Variants in AKR1C2 observed in about 807,000 individuals in gnomAD.
The protein encoded by AKR1C2 is aldo-keto reductase family 1 member C2.
A neutral mutation model predicts 39.8 loss-of-function variants in AKR1C2; 27 were observed. The observed-to-expected ratio is 0.68, with a 90% CI of 0.50 to 0.93. The LOEUF is 0.93. Ranked by LOEUF, AKR1C2 falls within the 40% of genes least tolerant of loss-of-function variation. The probability of loss-of-function intolerance (pLI) is 0.00; values close to 1 mark genes in which losing one functional copy is unlikely to be tolerated. For synonymous variants in AKR1C2, 114 were observed against 137.9 expected (o/e 0.83, Z 1.22); for missense variants, 263 against 365.1 (o/e 0.72, Z 2.28).
At chr10:5,004,523 T>C (rs1411417651), upstream of AKR1C2, among the ~76,000 whole-genome samples, 2 of 152,214 alleles carry the variant, frequency 1.3e-5, no homozygotes, top group Non-Finnish European at 2.9e-5. Context: ...TTAACAGCTT[T>C]TGGTCTTTGG....
intron 1 of AKR1C2, among the ~76,000 whole-genome samples, chr10:5,016,081 C>G (rs1837633429): frequency 6.6e-6 from 1 of 152,170 alleles, no homozygotes; most frequent in Non-Finnish European, 1.5e-5. Context: ...CCTTCCCCAA[C>G]AGTGGGAACT....
chr10:5,000,969 T>A (rs1178846286), intron 2 of AKR1C2, among the ~76,000 whole-genome samples: 2 of 152,234 alleles, frequency 1.3e-5, no homozygotes, highest in East Asian at 3.8e-4. Flanking sequence ...ACAACTCATA[T>A]TAGTGGTGTA....
In AKR1C2 at chr10:5,001,635, G is replaced by C; in HGVS notation, c.131C>G (p.Ala44Gly). ...TGCAGAATCAATATGGTGGAACCCGGCTTCTATTGCCAATTTGACGGCCTC... is the reference window on the plus strand; with the variant it reads ...TGCAGAATCAATATGGTGGAACCCGCCTTCTATTGCCAATTTGACGGCCTC... ...ALEAVKLAIE[A>G]GFHHIDSAHV... Residue 44 changes from alanine to glycine, a missense_variant, in exon 2 of 9, where the codon GCC (alanine) becomes GGC (glycine). Coordinates refer to ENST00000380753, the MANE Select transcript of AKR1C2 (RefSeq NM_001393392.1). 2 of 1,613,958 alleles carry C rather than the reference G, an allele frequency of 1.2e-6. No individual in the cohort carries two copies. Among genetic ancestry groups the C allele is most frequent in the Non-Finnish European group, 1.7e-6 (2 of 1,179,854 alleles).
intron 1 of AKR1C2, chr10:5,014,920 G>A (rs1837607322): frequency 6.6e-6 from 1 of 152,234 alleles, no homozygotes; most frequent in African/African-American, 2.4e-5. Flanking sequence ...CAGATGCAAG[G>A]CTCTCATAAG....
intron 1 of AKR1C2, among the ~76,000 whole-genome samples, chr10:5,017,707 T>C (rs189922198): frequency 3.3e-5 from 5 of 152,316 alleles, no homozygotes; most frequent in Middle Eastern, 3.4e-3. Flanking sequence ...AGTTCCAAAT[T>C]TGCTTTGACA....
intron 8 of AKR1C2, among the ~76,000 whole-genome samples, chr10:4,991,370 A>G (rs1836838155): frequency 6.6e-6 from 1 of 152,116 alleles, no homozygotes; most frequent in African/African-American, 2.4e-5. Flanking sequence ...AAGCAATTCC[A>G]TGTGAAAGAG....
chr10:4,993,320 A>T (rs1361277802), intron 7 of AKR1C2, among the ~76,000 whole-genome samples: 1 of 152,224 alleles, frequency 6.6e-6, no homozygotes, highest in Non-Finnish European at 1.5e-5. Context: ...AAGATGGAAG[A>T]GAGGCCAGAT....
At chr10:5,016,749 C>G (rs1837648066) in intron 1 of AKR1C2, among the ~76,000 whole-genome samples, 1 of 152,244 alleles carries the variant, frequency 6.6e-6, no homozygotes, top group Admixed American at 6.5e-5. Context: ...CACATTCCCC[C>G]TCCACACTGC....
intron 3 of AKR1C2, chr10:5,000,199 G>A (rs545234793): frequency 7.1e-7 from 1 of 1,417,132 alleles, no homozygotes; most frequent in Admixed American, 3.1e-5. Flanking sequence ...AGGTTTTCTG[G>A]ACACCACAGC....
chr10:4,998,469 C>T (rs1288731755), intron 5 of AKR1C2, among the ~76,000 whole-genome samples, 156 bp downstream of exon 5: 9 of 152,206 alleles, frequency 5.9e-5, no homozygotes, highest in Non-Finnish European at 1.0e-4. Flanking sequence ...AAGCAGGGTA[C>T]AAGTAAGAGG....
At chr10:5,017,405 C>A (rs1837664757) in intron 1 of AKR1C2, among the ~76,000 whole-genome samples, 1 of 152,120 alleles carries the variant, frequency 6.6e-6, no homozygotes. Context: ...AAATTTCTTC[C>A]ATCAGATACC....
At chr10:4,997,024 T>C (rs1328119905) in intron 5 of AKR1C2, among the ~76,000 whole-genome samples, 2 of 152,136 alleles carry the variant, frequency 1.3e-5, no homozygotes, top group African/African-American at 4.8e-5. Context: ...TTACTAGTAA[T>C]TGTTAAAGAG....
intron 1 of AKR1C2, among the ~76,000 whole-genome samples, chr10:5,017,684 C>G (rs1837670320): frequency 1.3e-5 from 2 of 152,268 alleles, no homozygotes; most frequent in South Asian, 4.2e-4. Context: ...CCAATCACAC[C>G]TACTACCTAT....
Position 4,998,682 on chromosome 10 carries a change from C to G in AKR1C2, c.513G>C (p.Arg171Ser), listed in dbSNP as rs782017261. Reference sequence around the variant, plus strand: ...GCTTGTTGAGGATCATCTCCAGCAGCCTGTGGTTGAAGTTGGACACCCCGA... The same window carrying G: ...GCTTGTTGAGGATCATCTCCAGCAGGCTGTGGTTGAAGTTGGACACCCCGA... Reference protein sequence around the residue: ...KSIGVSNFNHRLLEMILNKPG... With the variant: ...KSIGVSNFNHSLLEMILNKPG... The change falls in exon 5 of 9, where the codon AGG (arginine) becomes AGC (serine). Residue 171 changes from arginine to serine, a missense_variant. Transcript: ENST00000380753. 5 of 1,614,164 alleles carry G rather than the reference C, an allele frequency of 3.1e-6. No homozygotes were observed. The highest frequency in any genetic ancestry group is 4.2e-6 in the Non-Finnish European group (5 of 1,180,040).
At position 5,003,327 on chromosome 10, in the gene AKR1C2, G is replaced by T. The variant is rs182028661; in HGVS notation, c.84+425C>A. ...CTAGTATTACAGTGTGGTGCTCAAG[G>T]CCGCCCATCAGAACAGTGATACTCT... On this transcript the variant is annotated intron_variant, in intron 1 of 8. Coordinates refer to ENST00000380753, the MANE Select transcript of AKR1C2 (RefSeq NM_001393392.1). 1.1e-3 allele frequency among the ~76,000 whole-genome samples: 162 copies of T among 150,554 alleles called. 1 individual carries two copies. Among genetic ancestry groups the T allele is most frequent in the African/African-American group, 3.6e-3 (147 of 40,942 alleles).
intron 1 of AKR1C2, among the ~76,000 whole-genome samples, chr10:5,011,613 A>G (rs1427161136): frequency 6.6e-6 from 1 of 152,216 alleles, no homozygotes; most frequent in South Asian, 2.1e-4. Context: ...GCACAGATCA[A>G]TAGGTACAAG....
rs530993726 is a variant in AKR1C2, at chr10:5,001,628, G to A, written c.138C>T (p.Phe46=). ...AAACATGTGCAGAATCAATATGGTG[G>A]AACCCGGCTTCTATTGCCAATTTGA... ...EAVKLAIEAG[F]HHIDSAHVYN... Residue 46 remains phenylalanine (F), a synonymous_variant, in exon 2 of 9, where the codon TTC becomes TTT. Transcript: ENST00000380753. The A allele has an allele frequency of 1.8e-4, 286 of 1,613,980 alleles. 3 individuals are homozygous for A. In the South Asian group the frequency reaches 3.0e-3, roughly 17 times the overall value.
intron 1 of AKR1C2, among the ~76,000 whole-genome samples, chr10:5,014,730 T>C (rs1301089853): frequency 6.6e-6 from 1 of 152,232 alleles, no homozygotes; most frequent in Non-Finnish European, 1.5e-5. Flanking sequence ...GCTGATGGCA[T>C]GGACAATGTC....
At chr10:5,012,149 C>T (rs1837536758) in intron 1 of AKR1C2, among the ~76,000 whole-genome samples, 1 of 151,942 alleles carries the variant, frequency 6.6e-6, no homozygotes, top group Non-Finnish European at 1.5e-5. Flanking sequence ...GTTTTTATTT[C>T]ATTATATCTG....
Sources: gnomAD v4.1 joint callset for allele counts (sites outside exome capture counted in the v4.1 genomes callset) on GRCh38, gnomAD v4.1.1 for gene constraint, MANE v1.5 for transcripts, NCBI Gene and HGNC (gene_info 2026-07-23, HGNC 2026-07-21) for gene names.